The following CTTNBP2 variants were observed in gnomAD, a reference collection of about 807,000 sequenced individuals.
The protein encoded by CTTNBP2 is cortactin-binding protein 2.
CTTNBP2 carries 108 observed loss-of-function variants against 156.9 expected under a neutral mutation model. The ratio of observed to expected loss-of-function variants is 0.69; its 90% CI spans 0.59 to 0.81. The LOEUF is 0.81. Ranked by LOEUF, CTTNBP2 falls within the 30% of genes least tolerant of loss-of-function variation. The pLI, the probability that CTTNBP2 is intolerant of heterozygous loss-of-function variation, is 0.00. For missense variants in CTTNBP2, 1,924 were observed against 2,035.4 expected, an observed-to-expected ratio of 0.95 and a Z score of 1.05; for synonymous variants, 767 against 751.8, an observed-to-expected ratio of 1.02 and a Z score of -0.33.
At position 117,777,511 on chromosome 7, in the gene CTTNBP2, C is replaced by G. The variant is rs755270905; in HGVS notation, c.2778G>C (p.Lys926Asn). 3 of 1,612,558 alleles carry G rather than the reference C, an allele frequency of 1.9e-6. No individual in the cohort carries two copies. The South Asian group carries it at 3.3e-5, about 18-fold the overall frequency. ...AAHIAASKGFKNCLEILCRHG... is the reference protein window; with the variant it reads ...AAHIAASKGFNNCLEILCRHG... ...TGAGGCCAGCTGCTACCAGACACAC[C>G]TTAAAACCTTTGGAAGCAGCAATGT... Residue 926 changes from lysine to asparagine, a missense_variant and splice_region_variant, in exon 8 of 23, where the codon AAG (lysine) becomes AAC (asparagine). Lys to Asn is a moderately conservative substitution (Grantham distance 94). Coordinates refer to ENST00000160373, the MANE Select transcript of CTTNBP2 (RefSeq NM_033427.3).
In CTTNBP2 at chr7:117,725,103, T is replaced by C. The variant is rs752474968; in HGVS notation, c.4210A>G (p.Ser1404Gly). ...AGTACAGCTTTATTTAGCAAGATGCTGAGAGCAGCTTTGACCACAGCCTGC... is the reference window on the plus strand; with the variant it reads ...AGTACAGCTTTATTTAGCAAGATGCCGAGAGCAGCTTTGACCACAGCCTGC... The part of the protein sequence containing the change: ...GQQAVVKAAL[S>G]ILLNKAVLHG... The change falls in exon 18 of 23, where the codon AGC (serine) becomes GGC (glycine). Residue 1404 changes from serine to glycine, a missense_variant. By Grantham distance (56) the Ser-to-Gly change is moderately conservative. Transcript: ENST00000160373. The C allele has an allele frequency of 6.2e-7, 1 of 1,613,090 alleles. No homozygotes were observed. The highest frequency in any genetic ancestry group is 8.5e-7 in the Non-Finnish European group (1 of 1,180,030).
chr7:117,786,972 A>G (rs937080125), intron 4 of CTTNBP2, among the ~76,000 whole-genome samples: 3 of 152,184 alleles, frequency 2.0e-5, no homozygotes, highest in African/African-American at 4.8e-5. Context: ...GGTCTGCAAT[A>G]TATTTTTAAA....
intron 2 of CTTNBP2, among the ~76,000 whole-genome samples, chr7:117,860,141 C>T (rs1483056496): frequency 3.3e-5 from 5 of 152,078 alleles, no homozygotes; most frequent in Admixed American, 3.3e-4. Flanking sequence ...AAGATAAACC[C>T]ATACTTAATA....
At chr7:117,819,356 T>TTCTCTCTCTCTCTC (rs144262146) in intron 2 of CTTNBP2, among the ~76,000 whole-genome samples, 10 of 127,070 alleles carry the variant, frequency 7.9e-5, no homozygotes, top group Admixed American at 2.4e-4. Context: ...TCTTTTCTCC[T>TTCTCTCTCTCTCTC]TCTCTCTCTC....
At chr7:117,805,997 A>G (rs935967632) in intron 3 of CTTNBP2, among the ~76,000 whole-genome samples, 1 of 152,334 alleles carries the variant, frequency 6.6e-6, no homozygotes, top group East Asian at 1.9e-4. Flanking sequence ...ACTAAGTTAA[A>G]AAGGAACCAC....
intron 7 of CTTNBP2, 48 bp downstream of exon 7, chr7:117,780,393 A>G (rs747019327): frequency 7.8e-7 from 1 of 1,276,028 alleles, no homozygotes; most frequent in Non-Finnish European, 1.0e-6. Context: ...GTTTACAAAT[A>G]TATTGCAAAT....
intron 3 of CTTNBP2, among the ~76,000 whole-genome samples, 193 bp downstream of exon 3, chr7:117,810,572 T>C (rs533829601): frequency 6.6e-6 from 1 of 152,310 alleles, no homozygotes; most frequent in South Asian, 2.1e-4. Context: ...TCCTTTATGG[T>C]TTAGTGTTAT....
intron 3 of CTTNBP2, among the ~76,000 whole-genome samples, chr7:117,797,149 G>T (rs1035016316): frequency 6.6e-6 from 1 of 152,164 alleles, no homozygotes; most frequent in Admixed American, 6.5e-5. Flanking sequence ...AGGAGTCAGA[G>T]GATGAAACTG....
Position 117,791,186 on chromosome 7 carries a change from G to C in CTTNBP2, c.2010C>G (p.Pro670=). 7 of 1,614,126 alleles carry C rather than the reference G, an allele frequency of 4.3e-6. 1 individual carries two copies. The South Asian group carries it at 7.7e-5, about 18-fold the overall frequency. The change falls in exon 4 of 23, where the codon CCC becomes CCG. Residue 670 remains proline, a synonymous_variant. Coordinates refer to ENST00000160373, the MANE Select transcript of CTTNBP2 (RefSeq NM_033427.3). ...TTIAFCSSIN[P]VSASSCRPGA... ...CTGGTCTACAGGATGAGGCACTAAC[G>C]GGGTTTATGGAAGAGCAAAAGGCAA...
Position 117,767,137 on chromosome 7 carries a change from G to T in CTTNBP2, c.2818C>A (p.Pro940Thr). Residue 940 changes from proline (P) to threonine (T), a missense_variant, in exon 9 of 23, where the codon CCA (proline) becomes ACA (threonine). Transcript: ENST00000160373. The part of the protein sequence containing the change: ...EILCRHGGLE[P>T]ERRDKCNRTV... The stretch of plus-strand genomic sequence containing the variant: ...CGATTGCACTTGTCTCTCCTTTCTG[G>T]CTCAAGCCCTCCGTGCCTACACAAG... 6.2e-7 allele frequency: 1 copy of T among 1,612,198 alleles called. No individual in the cohort carries two copies. Among genetic ancestry groups the T allele is most frequent in the Non-Finnish European group, 8.5e-7 (1 of 1,178,382 alleles).
rs1322130121 is a variant in CTTNBP2 at position 117,819,363 on chromosome 7, T to TCACACA, written c.190-8375_190-8374insTGTGTG. ...ACTCTTTCTCTTTTCTCCTTCTCTC[T>TCACACA]CTCTCACACACACACACACACACAC... On this transcript the variant is annotated intron_variant, in intron 2 of 22. Coordinates refer to ENST00000160373, the MANE Select transcript of CTTNBP2 (RefSeq NM_033427.3). 2.2e-5 allele frequency among the ~76,000 whole-genome samples: 3 copies of TCACACA among 135,242 alleles called. No homozygotes were observed. The Admixed American group carries it at 2.3e-4, about 10-fold the overall frequency. The allele number at this position is 135,242 out of a possible 152,430, so 88.7% of individuals were successfully genotyped here.
At chr7:117,845,069 GT>G (rs528109659) in intron 2 of CTTNBP2, among the ~76,000 whole-genome samples, 260 of 152,126 alleles carry the variant, frequency 1.7e-3, no homozygotes, top group Admixed American at 2.4e-3. Flanking sequence ...AAGGTTGGAT[GT>G]TTTTTTTCTC....
chr7:117,816,246 G>T (rs1284771486), intron 2 of CTTNBP2, among the ~76,000 whole-genome samples: 1 of 152,180 alleles, frequency 6.6e-6, no homozygotes, highest in East Asian at 1.9e-4. Flanking sequence ...CCAACCTAAA[G>T]CCAGGTGAGA....
intron 3 of CTTNBP2, among the ~76,000 whole-genome samples, chr7:117,803,714 G>A (rs1799762817): frequency 6.6e-6 from 1 of 152,090 alleles, no homozygotes; most frequent in African/African-American, 2.4e-5. Flanking sequence ...AGAGAAGAAT[G>A]CACCAGGAGA....
chr7:117,839,949 AATT>A (rs1170031159), intron 2 of CTTNBP2, among the ~76,000 whole-genome samples: 12 of 152,198 alleles, frequency 7.9e-5, no homozygotes, highest in Non-Finnish European at 1.5e-4. Context: ...TAAAGACTGA[AATT>A]ATTTTCCTGA....
chr7:117,714,603 G>GT (rs758948775), intron 22 of CTTNBP2, among the ~76,000 whole-genome samples: 1 of 152,158 alleles, frequency 6.6e-6, no homozygotes, highest in Non-Finnish European at 1.5e-5. Context: ...GGTGAGGGGA[G>GT]TGTACCTTCA....
chr7:117,791,193 A>G lies in CTTNBP2; in HGVS notation c.2003T>C (p.Ile668Thr). 1.9e-6 allele frequency: 3 copies of G among 1,614,208 alleles called. No homozygotes were observed. The highest frequency in any genetic ancestry group is 2.5e-6 in the Non-Finnish European group (3 of 1,180,038). Reference sequence around the variant, plus strand: ...ACAGGATGAGGCACTAACGGGGTTTATGGAAGAGCAAAAGGCAATGGTGGT... The same window carrying G: ...ACAGGATGAGGCACTAACGGGGTTTGTGGAAGAGCAAAAGGCAATGGTGGT... ...IPTTIAFCSS[I>T]NPVSASSCRP... Residue 668 changes from isoleucine to threonine, a missense_variant, in exon 4 of 23, where the codon ATA becomes ACA. Physicochemically the swap from Ile to Thr is moderately conservative, Grantham distance 89 (BLOSUM62 -1). Coordinates refer to ENST00000160373, the MANE Select transcript of CTTNBP2 (RefSeq NM_033427.3).
intron 14 of CTTNBP2, among the ~76,000 whole-genome samples, chr7:117,738,262 T>G (rs942723752): frequency 1.3e-5 from 2 of 152,212 alleles, no homozygotes; most frequent in African/African-American, 2.4e-5. Context: ...TTTGCTGATA[T>G]GAAGCCTCAG....
intron 3 of CTTNBP2, among the ~76,000 whole-genome samples, chr7:117,803,047 T>C (rs1325553552): frequency 2.0e-5 from 3 of 152,050 alleles, no homozygotes; most frequent in African/African-American, 7.2e-5. Context: ...CAAAGGAAAA[T>C]ACATTGTTCT....
Sources: allele counts gnomAD v4.1 joint callset (sites outside exome capture counted in the v4.1 genomes callset), GRCh38; gene constraint gnomAD v4.1.1; transcripts MANE v1.5; gene names NCBI Gene and HGNC (gene_info 2026-07-23, HGNC 2026-07-21).